STK24: variants seen among roughly 807,000 people sequenced by gnomAD.
STK24 encodes serine/threonine-protein kinase 24.
In STK24, 21 loss-of-function variants were observed where a neutral mutation model predicts 55.6. The ratio of observed to expected loss-of-function variants is 0.38; its 90% CI spans 0.27 to 0.54. STK24 has a LOEUF of 0.54. Ranked by LOEUF, STK24 falls within the 20% of genes least tolerant of loss-of-function variation. The pLI, the probability that STK24 is intolerant of heterozygous loss-of-function variation, is 0.79. For missense variants in STK24, 383 were observed against 538.4 expected, an observed-to-expected ratio of 0.71 and a Z score of 2.86; for synonymous variants, 200 against 215.2, an observed-to-expected ratio of 0.93 and a Z score of 0.62.
chr13:98,457,343 C>A (rs1893508292), intron 9 of STK24, 39 bp from the exon 10 acceptor site: 1 of 1,613,308 alleles, frequency 6.2e-7, no homozygotes, highest in Non-Finnish European at 8.5e-7. Flanking sequence ...ATGAAGCACA[C>A]CAGCTGCAAA....
At chr13:98,477,143 G>A (rs772831914) in intron 3 of STK24, among the ~76,000 whole-genome samples, 7 of 152,156 alleles carry the variant, frequency 4.6e-5, no homozygotes, top group Non-Finnish European at 8.8e-5. Context: ...TATAAGAAAT[G>A]CATATCAAAA....
chr13:98,482,356 A>T, intron 2 of STK24, 35 bp from the exon 3 acceptor site: 1 of 1,366,804 alleles, frequency 7.3e-7, no homozygotes, highest in Non-Finnish European at 1.0e-6. Flanking sequence ...ATCATTTTCA[A>T]AATGAATCCA....
In STK24 at chr13:98,447,844, C is replaced by CAA. The variant is rs60019968; in HGVS notation, c.*5327_*5328dup. 4.7e-3 allele frequency: 858 copies of CAA among 184,122 alleles called. 2 individuals are homozygous for CAA. The highest frequency in any genetic ancestry group is 0.012 in the South Asian group (122 of 10,328). The allele number at this position is 184,122 out of a possible 1,614,324, so 11.4% of individuals were successfully genotyped here. A position where few individuals can be genotyped will look rare whatever the true frequency, so the allele number is the denominator to read the frequency against. Reference sequence around the variant, plus strand: ...TGAGTGACAGAGCCAGACCCTGTCTCAAAAAAAAAAGAAAAAGAAAAAAGG... The same window carrying CAA: ...TGAGTGACAGAGCCAGACCCTGTCTCAAAAAAAAAAAAGAAAAAGAAAAAAGG... On this transcript the variant is annotated 3_prime_UTR_variant, in exon 11 of 11. Coordinates refer to ENST00000539966, the MANE Select transcript of STK24 (RefSeq NM_001032296.4).
chr13:98,487,723 C>T (rs1034567324), intron 2 of STK24, among the ~76,000 whole-genome samples: 2 of 152,292 alleles, frequency 1.3e-5, no homozygotes, highest in Non-Finnish European at 2.9e-5. Context: ...ATAATTAGCC[C>T]ATGCCTTATT....
intron 1 of STK24, 105 bp from the exon 2 acceptor site, chr13:98,519,578 A>T: frequency 1.1e-6 from 1 of 890,878 alleles, no homozygotes; most frequent in Non-Finnish European, 1.8e-6. Flanking sequence ...TCTTCCAGGG[A>T]CTCATCTATT....
intron 1 of STK24, among the ~76,000 whole-genome samples, chr13:98,528,250 A>G (rs1896488084): frequency 1.3e-5 from 2 of 152,192 alleles, no homozygotes; most frequent in African/African-American, 4.8e-5. Context: ...CCTACCTTGC[A>G]AGGCGAAAAC....
chr13:98,508,127 A>T (rs1895758936), intron 2 of STK24, among the ~76,000 whole-genome samples: 1 of 152,212 alleles, frequency 6.6e-6, no homozygotes, highest in Non-Finnish European at 1.5e-5. Context: ...TGCTACTTCA[A>T]ATACTAAAAT....
intron 2 of STK24, among the ~76,000 whole-genome samples, chr13:98,515,539 G>A (rs971114893): frequency 3.9e-5 from 6 of 151,906 alleles, no homozygotes; most frequent in African/African-American, 1.5e-4. Context: ...ATTCACTGTT[G>A]TATTGTTCCT....
intron 2 of STK24, among the ~76,000 whole-genome samples, chr13:98,489,586 G>A (rs1025957887): frequency 6.6e-6 from 1 of 152,214 alleles, no homozygotes; most frequent in African/African-American, 2.4e-5. Context: ...GCCAGTGGCA[G>A]ATGCCACAAA....
intron 1 of STK24, among the ~76,000 whole-genome samples, chr13:98,536,958 C>T (rs1424648396): frequency 4.6e-5 from 7 of 151,752 alleles, no homozygotes; most frequent in South Asian, 2.1e-4. Flanking sequence ...TGTGTGCCCC[C>T]GACACTGGCC....
intron 1 of STK24, among the ~76,000 whole-genome samples, chr13:98,530,944 G>T (rs1196994851): frequency 1.3e-5 from 2 of 152,202 alleles, no homozygotes; most frequent in Non-Finnish European, 2.9e-5. Context: ...ATGCGACAGG[G>T]TCTCCAAAGA....
intron 2 of STK24, among the ~76,000 whole-genome samples, chr13:98,498,044 G>C (rs1895314438): frequency 6.6e-6 from 1 of 152,156 alleles, no homozygotes; most frequent in South Asian, 2.1e-4. Flanking sequence ...TTTCTGAATT[G>C]GTTTTGGAGT....
intron 1 of STK24, among the ~76,000 whole-genome samples, chr13:98,535,684 C>G (rs1436696349): frequency 1.3e-5 from 2 of 152,178 alleles, no homozygotes; most frequent in Non-Finnish European, 2.9e-5. Flanking sequence ...CCTCATTACA[C>G]AGCTGAGACA....
chr13:98,576,672 C>G (rs1022926432), intron 1 of STK24, 73 bp downstream of exon 1: 44 of 1,307,318 alleles, frequency 3.4e-5, no homozygotes, highest in Middle Eastern at 5.0e-4. Context: ...TAGGGGGACG[C>G]CGTGTGGATA....
In STK24 at chr13:98,452,205, G is replaced by C. The variant is rs960362195; in HGVS notation, c.*968C>G. ...TTGTGTAAGCATTCAGACATTTTTA[G>C]GTGGGAAAGATGATATGCAGAATCC... On this transcript the variant is annotated 3_prime_UTR_variant, in exon 11 of 11. Transcript: ENST00000539966. 1 of 152,184 alleles carries C rather than the reference G, an allele frequency of 6.6e-6. No homozygotes were observed. The highest frequency in any genetic ancestry group is 1.5e-5 in the Non-Finnish European group (1 of 68,036). 9.4% of individuals were successfully genotyped at this position (152,184 alleles called of 1,614,324 possible). A position where few individuals can be genotyped will look rare whatever the true frequency, so the allele number is the denominator to read the frequency against.
rs1446258560 is a variant in STK24 at position 98,461,872 on chromosome 13, C to T, written c.955G>A (p.Gly319Ser). The part of the protein sequence containing the change: ...DAETDGQASG[G>S]SDSGDWIFTI... The stretch of plus-strand genomic sequence containing the variant: ...AAGATCCAGTCCCCAGAATCACTGC[C>T]CCCCGAGGCTTGGCCATCTGTTTCC... The change falls in exon 8 of 11, where the codon GGC (glycine) becomes AGC (serine). Residue 319 changes from glycine (G) to serine (S), a missense_variant. By Grantham distance (56) the Gly-to-Ser change is moderately conservative. Coordinates refer to ENST00000539966, the MANE Select transcript of STK24 (RefSeq NM_001032296.4). 1.5e-5 allele frequency: 24 copies of T among 1,613,952 alleles called. No homozygotes were observed. The East Asian group carries it at 5.1e-4, about 34-fold the overall frequency.
rs1332028997 is a variant in STK24, at chr13:98,448,979, T to C, written c.*4194A>G. On this transcript the variant is annotated 3_prime_UTR_variant, in exon 11 of 11. Coordinates refer to ENST00000539966, the MANE Select transcript of STK24 (RefSeq NM_001032296.4). ...AAGTTGACCAAATCGTTTTAAGTGG[T>C]AACTCTTTCCAACCGTAGCAGGGTT... The C allele has an allele frequency of 2.0e-5, 3 of 152,338 alleles. No individual in the cohort carries two copies. In the East Asian group the frequency reaches 5.8e-4, roughly 29 times the overall value. The allele number at this position is 152,338 out of a possible 1,614,324, so 9.4% of individuals were successfully genotyped here. A position where few individuals can be genotyped will look rare whatever the true frequency, so the allele number is the denominator to read the frequency against.
At chr13:98,485,540 A>C (rs996843467) in intron 2 of STK24, among the ~76,000 whole-genome samples, 2 of 152,226 alleles carry the variant, frequency 1.3e-5, no homozygotes, top group African/African-American at 4.8e-5. Context: ...CTGACTCCTA[A>C]GCCATAATTT....
At chr13:98,465,265 A>G (rs1893884190) in intron 6 of STK24, among the ~76,000 whole-genome samples, 1 of 152,256 alleles carries the variant, frequency 6.6e-6, no homozygotes, top group African/African-American at 2.4e-5. Flanking sequence ...GATCACCTCA[A>G]GTATTCTCCC....
Sources: gnomAD v4.1 joint callset for allele counts (sites outside exome capture counted in the v4.1 genomes callset) on GRCh38, gnomAD v4.1.1 for gene constraint, MANE v1.5 for transcripts, NCBI Gene and HGNC (gene_info 2026-07-23, HGNC 2026-07-21) for gene names.